Variants in FAM227A observed in about 807,000 individuals in gnomAD.
FAM227A encodes family with sequence similarity 227 member A.
In FAM227A, 80 loss-of-function variants were observed where a neutral mutation model predicts 74.7. That is an observed-to-expected ratio of 1.07 (90% CI 0.89 to 1.29). The LOEUF (loss-of-function observed/expected upper bound fraction) is 1.29. Ranked by LOEUF, FAM227A falls within the 50% of genes most tolerant of loss-of-function variation. The pLI, the probability that FAM227A is intolerant of heterozygous loss-of-function variation, is 0.00. For missense variants in FAM227A, 654 were observed against 683.4 expected (o/e 0.96, Z 0.48); for synonymous variants, 237 against 241.8 (o/e 0.98, Z 0.19).
chr22:38,639,366 G>A (rs1038875455), intron 4 of FAM227A, among the ~76,000 whole-genome samples: 59 of 148,796 alleles, frequency 4.0e-4, no homozygotes, highest in African/African-American at 1.4e-3. Flanking sequence ...CAGAGATTAC[G>A]CCACTGCACT....
At chr22:38,636,252 A>C (rs2092004922) in intron 6 of FAM227A, among the ~76,000 whole-genome samples, 199 bp downstream of exon 6, 3 of 152,212 alleles carry the variant, frequency 2.0e-5, no homozygotes, top group African/African-American at 7.2e-5. Context: ...TGTGATCAAA[A>C]CAGTCTGAAG....
chr22:38,636,545 T>C lies in FAM227A; in HGVS notation c.425A>G (p.Asn142Ser). 1.3e-6 allele frequency: 2 copies of C among 1,551,746 alleles called. No individual in the cohort carries two copies. Among genetic ancestry groups the C allele is most frequent in the African/African-American group, 1.4e-5 (1 of 73,174 alleles). ...LAELYQYSNF[N>S]SSKPNKLPNG... ...CGGAAGCTTGTTTGGCTTGGAGCTG[T>C]TGAAGTTGGAATACTGGTACAGCTC... Residue 142 changes from asparagine (N) to serine (S), a missense_variant, in exon 6 of 17, where the codon AAC becomes AGC. Coordinates refer to ENST00000535113, the MANE Select transcript of FAM227A (RefSeq NM_001013647.2).
Position 38,636,524 on chromosome 22 carries a change from A to C in FAM227A, c.446T>G (p.Leu149Arg). The C allele has an allele frequency of 6.4e-7, 1 of 1,551,726 alleles. No individual in the cohort carries two copies. The highest frequency in any genetic ancestry group is 8.7e-7 in the Non-Finnish European group (1 of 1,146,986). Reference protein sequence around the residue: ...SNFNSSKPNKLPNGVDFCDMV... With the variant: ...SNFNSSKPNKRPNGVDFCDMV... Reference sequence around the variant, plus strand: ...GTCACAGAAGTCCACGCCATTCGGAAGCTTGTTTGGCTTGGAGCTGTTGAA... The same window carrying C: ...GTCACAGAAGTCCACGCCATTCGGACGCTTGTTTGGCTTGGAGCTGTTGAA... Residue 149 changes from leucine (L) to arginine (R), a missense_variant, in exon 6 of 17, where the codon CTT becomes CGT. Coordinates refer to ENST00000535113, the MANE Select transcript of FAM227A (RefSeq NM_001013647.2).
intron 6 of FAM227A, among the ~76,000 whole-genome samples, chr22:38,631,327 G>A (rs559411731): frequency 6.6e-6 from 1 of 152,254 alleles, no homozygotes; most frequent in African/African-American, 2.4e-5. Flanking sequence ...ATAAGTGGGA[G>A]CTGAACACTG....
chr22:38,613,132 A>AT (rs2091464133), intron 11 of FAM227A, among the ~76,000 whole-genome samples: 1 of 93,864 alleles, frequency 1.1e-5, no homozygotes, highest in Non-Finnish European at 1.9e-5. Flanking sequence ...ATAATTATAT[A>AT]TATAATATAT....
At chr22:38,637,279 C>T (rs939104502) in intron 5 of FAM227A, among the ~76,000 whole-genome samples, 3 of 152,164 alleles carry the variant, frequency 2.0e-5, no homozygotes, top group East Asian at 1.9e-4. Context: ...CCTGTTAAGA[C>T]GTGCTATAAT....
chr22:38,636,373 T>C, intron 6 of FAM227A, 78 bp downstream of exon 6: 3 of 1,470,612 alleles, frequency 2.0e-6, no homozygotes, highest in Non-Finnish European at 2.7e-6. Context: ...CCTCAGTTTC[T>C]CCTGGGGTGT....
At chr22:38,643,332 TG>T (rs369480465) in intron 3 of FAM227A, among the ~76,000 whole-genome samples, 2 of 73,200 alleles carry the variant, frequency 2.7e-5, no homozygotes, top group African/African-American at 5.0e-5. Flanking sequence ...AAAAAAATAG[TG>T]GGTGGGGGTT....
intron 10 of FAM227A, among the ~76,000 whole-genome samples, chr22:38,621,754 G>C (rs1344864626): frequency 3.3e-5 from 5 of 152,182 alleles, no homozygotes; most frequent in Non-Finnish European, 7.3e-5. Context: ...TAGATCACTG[G>C]AAGTCCTGAT....
intron 6 of FAM227A, among the ~76,000 whole-genome samples, chr22:38,632,721 A>G (rs182837369): frequency 1.3e-5 from 2 of 152,266 alleles, no homozygotes; most frequent in South Asian, 4.2e-4. Flanking sequence ...TGCTGTTTGC[A>G]TAGAGGGAGA....
chr22:38,598,649 T>G (rs957021100), intron 14 of FAM227A, among the ~76,000 whole-genome samples: 2 of 152,260 alleles, frequency 1.3e-5, no homozygotes, highest in African/African-American at 2.4e-5. Context: ...GAGCTCAATG[T>G]AGACGTGGAT....
At chr22:38,601,699 G>C (rs2091182355) in intron 13 of FAM227A, among the ~76,000 whole-genome samples, 1 of 152,156 alleles carries the variant, frequency 6.6e-6, no homozygotes, top group African/African-American at 2.4e-5. Flanking sequence ...TGCAGACAAG[G>C]GGTGAGAAGT....
intron 2 of FAM227A, among the ~76,000 whole-genome samples, chr22:38,649,592 C>T (rs963474074): frequency 7.5e-6 from 1 of 133,748 alleles, no homozygotes; most frequent in Non-Finnish European, 1.6e-5. Flanking sequence ...TATGGCTGGG[C>T]GAGGTGGCTC....
At chr22:38,601,783 G>A (rs1392514495) in intron 13 of FAM227A, among the ~76,000 whole-genome samples, 2 of 152,130 alleles carry the variant, frequency 1.3e-5, no homozygotes, top group Non-Finnish European at 2.9e-5. Flanking sequence ...GTAGGTGTGA[G>A]AAAGAGAAGA....
At chr22:38,641,354 A>G (rs1459541346) in intron 3 of FAM227A, among the ~76,000 whole-genome samples, 2 of 152,146 alleles carry the variant, frequency 1.3e-5, no homozygotes, top group African/African-American at 2.4e-5. Context: ...CTGGGTCTGC[A>G]TTGGGTCCTG....
intron 13 of FAM227A, among the ~76,000 whole-genome samples, chr22:38,600,292 ATG>A (rs902804317): frequency 2.0e-4 from 30 of 150,018 alleles, no homozygotes; most frequent in African/African-American, 5.2e-4. Flanking sequence ...TGTTTTTTAT[ATG>A]TGTGTGTGTA....
At position 38,586,053 on chromosome 22, in the gene FAM227A, G is replaced by A. The variant is rs1299172451; in HGVS notation, c.*72C>T. The A allele has an allele frequency of 6.5e-7, 1 of 1,548,868 alleles. No homozygotes were observed. The highest frequency in any genetic ancestry group is 1.2e-5 in the South Asian group (1 of 83,556). The stretch of plus-strand genomic sequence containing the variant: ...TTGGCCACAATTTTCTTATTTTCTT[G>A]TTCCACTCCACCTCGTAGCAGAAAT... On this transcript the variant is annotated 3_prime_UTR_variant, in exon 17 of 17. Coordinates refer to ENST00000535113, the MANE Select transcript of FAM227A (RefSeq NM_001013647.2).
rs1020656776 is a variant in FAM227A, at chr22:38,581,944, T to G, written c.*4181A>C. 1 of 176,874 alleles carries G rather than the reference T, an allele frequency of 5.7e-6. No individual in the cohort carries two copies. The highest frequency in any genetic ancestry group is 2.4e-5 in the African/African-American group (1 of 41,808). The allele number at this position is 176,874 out of a possible 1,614,324, so 11.0% of individuals were successfully genotyped here. ...TTTTTGTAGAGGCAAGGTCTCACTA[T>G]GTTGTCCTGTTTGGTCTCAAACTCC... is the stretch of plus-strand genomic sequence containing the variant. On this transcript the variant is annotated 3_prime_UTR_variant, in exon 17 of 17. Transcript: ENST00000535113.
rs762260578 is a variant in FAM227A, at chr22:38,595,248, C to T, written c.1532+1956G>A. Among the ~76,000 whole-genome samples the T allele has an allele frequency of 5.3e-5, 8 of 152,156 alleles. 1 individual carries two copies. Among genetic ancestry groups the T allele is most frequent in the Admixed American group, 1.3e-4 (2 of 15,272 alleles). ...CAATTCCCTCTTTCTCGTTTGTAAA[C>T]TGAATCCCATTTTGTTTTGGACAAC... On this transcript the variant is annotated intron_variant, in intron 15 of 16. Transcript: ENST00000535113.
Sources: allele counts gnomAD v4.1 joint callset (sites outside exome capture counted in the v4.1 genomes callset), GRCh38; gene constraint gnomAD v4.1.1; transcripts MANE v1.5; gene names NCBI Gene and HGNC (gene_info 2026-07-23, HGNC 2026-07-21).